KIAA1328: variants seen among roughly 807,000 people sequenced by gnomAD.
KIAA1328 encodes the protein protein hinderin.
Under a neutral mutation model 68.1 loss-of-function variants are expected in KIAA1328, and 52 were observed. The observed-to-expected ratio is 0.76, with a 90% CI of 0.61 to 0.96. KIAA1328 has a LOEUF of 0.96. KIAA1328 is among the 40% of genes least tolerant of loss of function. KIAA1328 has a pLI of 0.00. For missense variants in KIAA1328, 641 were observed against 677.6 expected (o/e 0.95, Z 0.60); for synonymous variants, 232 against 239.4 (o/e 0.97, Z 0.28).
At chr18:36,996,157 A>AT (rs1218595931) in intron 6 of KIAA1328, among the ~76,000 whole-genome samples, 2 of 152,122 alleles carry the variant, frequency 1.3e-5, no homozygotes, top group African/African-American at 4.8e-5. Context: ...TCTAAAATTC[A>AT]TTTTTTCCCA....
chr18:36,845,426 T>C (rs760383840), intron 4 of KIAA1328, among the ~76,000 whole-genome samples: 13 of 151,722 alleles, frequency 8.6e-5, no homozygotes, highest in Non-Finnish European at 1.5e-4. Flanking sequence ...ATTGAAAAGC[T>C]ATTGCTATTT....
intron 7 of KIAA1328, among the ~76,000 whole-genome samples, chr18:37,156,176 G>T (rs1411374412): frequency 6.6e-6 from 1 of 152,028 alleles, no homozygotes; most frequent in Non-Finnish European, 1.5e-5. Context: ...GGAGGCCAAG[G>T]CGGGCAGATC....
At chr18:37,113,267 G>C (rs2057994128) in intron 7 of KIAA1328, among the ~76,000 whole-genome samples, 1 of 152,108 alleles carries the variant, frequency 6.6e-6, no homozygotes, top group Admixed American at 6.6e-5. Context: ...AGAAAGGTCA[G>C]GTTAATCATA....
In KIAA1328 at chr18:37,222,231, A is replaced by G. The variant is rs1465958017; in HGVS notation, c.*4A>G. On this transcript the variant is annotated 3_prime_UTR_variant, in exon 10 of 10. Coordinates refer to ENST00000280020, the MANE Select transcript of KIAA1328 (RefSeq NM_020776.3). ...GGAAGATATATTTTTCATTTGACATATTGCAAAATTTTCTTAGGAAATTTG... is the reference window on the plus strand; with the variant it reads ...GGAAGATATATTTTTCATTTGACATGTTGCAAAATTTTCTTAGGAAATTTG... 1.3e-6 allele frequency: 2 copies of G among 1,554,604 alleles called. No homozygotes were observed.
intron 5 of KIAA1328, among the ~76,000 whole-genome samples, chr18:36,938,917 G>A (rs1052032811): frequency 1.3e-5 from 2 of 152,002 alleles, no homozygotes; most frequent in Admixed American, 6.6e-5. Context: ...TATTTTTTGG[G>A]TTTTCTATCC....
chr18:37,200,040 A>C (rs148008341), intron 9 of KIAA1328, among the ~76,000 whole-genome samples: 1 of 152,326 alleles, frequency 6.6e-6, no homozygotes, highest in East Asian at 1.9e-4. Context: ...AGTGGGAGAG[A>C]TTTTGGCTAT....
intron 6 of KIAA1328, among the ~76,000 whole-genome samples, chr18:37,016,128 GTAGCTTTGTCTTAGA>G (rs2054144480): frequency 6.6e-6 from 1 of 152,156 alleles, no homozygotes; most frequent in Non-Finnish European, 1.5e-5. Flanking sequence ...GGTGATAGTT[GTAGCTTTGTCTTAGA>G]TAGCTCTTAT....
chr18:37,048,968 G>A (rs1460949003), intron 6 of KIAA1328, among the ~76,000 whole-genome samples: 1 of 152,090 alleles, frequency 6.6e-6, no homozygotes, highest in Non-Finnish European at 1.5e-5. Flanking sequence ...TGAAATATGA[G>A]GTTGAAAGTA....
chr18:37,216,888 CTTCT>C (rs904869384), intron 9 of KIAA1328, among the ~76,000 whole-genome samples: 24 of 128,858 alleles, frequency 1.9e-4, no homozygotes, highest in African/African-American at 5.9e-4. Context: ...CTTTGATTGC[CTTCT>C]TTGTCTCTTT....
intron 3 of KIAA1328, among the ~76,000 whole-genome samples, chr18:36,842,070 C>T (rs749185391): frequency 6.6e-6 from 1 of 151,514 alleles, no homozygotes; most frequent in Admixed American, 6.6e-5. Context: ...TTGAATAGTG[C>T]GAGAACCAAA....
chr18:36,932,800 G>A lies in KIAA1328; in HGVS notation c.449-26508G>A, dbSNP rs1009741011. Among the ~76,000 whole-genome samples the A allele has an allele frequency of 9.9e-5, 15 of 152,214 alleles. No individual in the cohort carries two copies. The East Asian group carries it at 2.5e-3, about 25-fold the overall frequency. ...TAAGCTTGGATTAAAAGACGCAGTG[G>A]GGTTTCTATCACTTCTCCATAGGCA... On this transcript the variant is annotated intron_variant, in intron 5 of 9. Transcript: ENST00000280020.
chr18:37,061,395 T>C (rs1209383110), intron 6 of KIAA1328, among the ~76,000 whole-genome samples: 2 of 152,200 alleles, frequency 1.3e-5, no homozygotes, highest in Non-Finnish European at 2.9e-5. Flanking sequence ...TTCTATAACT[T>C]GATCTAGGTG....
At chr18:36,945,765 T>C (rs371985744) in intron 5 of KIAA1328, among the ~76,000 whole-genome samples, 31 of 152,186 alleles carry the variant, frequency 2.0e-4, no homozygotes, top group Admixed American at 1.5e-3. Flanking sequence ...GTGGGTGATA[T>C]AGAAGATGAG....
intron 6 of KIAA1328, among the ~76,000 whole-genome samples, chr18:36,995,907 CAGA>C (rs2053371968): frequency 6.6e-6 from 1 of 152,210 alleles, no homozygotes; most frequent in Non-Finnish European, 1.5e-5. Context: ...CCACAAGGGA[CAGA>C]AGAACTTCCT....
At chr18:37,114,551 A>G (rs562364106) in intron 7 of KIAA1328, among the ~76,000 whole-genome samples, 2 of 152,346 alleles carry the variant, frequency 1.3e-5, no homozygotes, top group African/African-American at 4.8e-5. Flanking sequence ...CCCACAAGAG[A>G]AAGCAGGAAA....
intron 6 of KIAA1328, among the ~76,000 whole-genome samples, chr18:36,967,371 G>A (rs934427397): frequency 5.3e-5 from 8 of 152,176 alleles, no homozygotes; most frequent in African/African-American, 1.9e-4. Context: ...CTTGGAATCA[G>A]TTTCCTCCTC....
intron 7 of KIAA1328, among the ~76,000 whole-genome samples, chr18:37,103,163 A>C (rs2057673222): frequency 6.6e-6 from 1 of 152,224 alleles, no homozygotes; most frequent in Admixed American, 6.5e-5. Flanking sequence ...TATAAAATAT[A>C]AATCTTAAAA....
intron 6 of KIAA1328, among the ~76,000 whole-genome samples, chr18:37,049,055 T>C: frequency 6.6e-6 from 1 of 152,210 alleles, no homozygotes; most frequent in East Asian, 1.9e-4. Context: ...TTATTTATTG[T>C]GCATTGTGCA....
At chr18:36,894,412 G>T (rs1252598954) in intron 5 of KIAA1328, among the ~76,000 whole-genome samples, 1 of 152,114 alleles carries the variant, frequency 6.6e-6, no homozygotes, top group Non-Finnish European at 1.5e-5. Flanking sequence ...CTTATTCCTT[G>T]CTATTTTCAC....
Sources: allele counts gnomAD v4.1 joint callset (sites outside exome capture counted in the v4.1 genomes callset), GRCh38; gene constraint gnomAD v4.1.1; transcripts MANE v1.5; gene names NCBI Gene and HGNC (gene_info 2026-07-23, HGNC 2026-07-21).